PEBP4: variants seen among roughly 807,000 people sequenced by gnomAD.
PEBP4 encodes phosphatidylethanolamine binding protein 4, also known as phosphatidylethanolamine-binding protein 4.
Under a neutral mutation model 23.9 loss-of-function variants are expected in PEBP4, and 22 were observed. That is an observed-to-expected ratio of 0.92 (90% CI 0.66 to 1.31). PEBP4 has a LOEUF of 1.31. PEBP4 is among the 40% of genes most tolerant of loss of function. PEBP4 has a pLI of 0.00. For missense variants in PEBP4, 324 were observed against 281.7 expected, an observed-to-expected ratio of 1.15 and a Z score of -1.07; for synonymous variants, 112 against 99.3, an observed-to-expected ratio of 1.13 and a Z score of -0.76.
intron 3 of PEBP4, chr8:22,884,538 A>T (rs933422569): frequency 6.6e-6 from 1 of 152,224 alleles, no homozygotes; most frequent in African/African-American, 2.4e-5. Context: ...AGAGTTAATC[A>T]GGGAAGAGCT....
intron 6 of PEBP4, among the ~76,000 whole-genome samples, chr8:22,722,483 T>G (rs760904116): frequency 2.6e-5 from 4 of 152,200 alleles, no homozygotes; most frequent in Non-Finnish European, 4.4e-5. Flanking sequence ...GAGAGCACAG[T>G]GTTCTGGAGG....
intron 3 of PEBP4, among the ~76,000 whole-genome samples, chr8:22,896,876 T>G (rs1808599046): frequency 6.6e-6 from 1 of 151,164 alleles, no homozygotes; most frequent in African/African-American, 2.4e-5. Context: ...TCTCTCTTCA[T>G]CTCTAATATA....
intron 3 of PEBP4, among the ~76,000 whole-genome samples, chr8:22,880,154 G>T (rs1434448927): frequency 6.6e-6 from 1 of 152,156 alleles, no homozygotes; most frequent in Non-Finnish European, 1.5e-5. Context: ...GAAAGGAGTG[G>T]ATGATTGGGA....
intron 3 of PEBP4, among the ~76,000 whole-genome samples, chr8:22,877,542 GGA>G (rs934724997): frequency 2.0e-5 from 3 of 152,216 alleles, no homozygotes; most frequent in African/African-American, 7.2e-5. Flanking sequence ...CTAGCTGGGA[GGA>G]GAGGAGGTGA....
At chr8:22,812,756 T>C (rs946101073) in intron 4 of PEBP4, among the ~76,000 whole-genome samples, 1 of 152,214 alleles carries the variant, frequency 6.6e-6, no homozygotes, top group African/African-American at 2.4e-5. Context: ...AAAATGAGAT[T>C]ATATCATTAT....
At chr8:22,836,902 C>T (rs1807216302) in intron 3 of PEBP4, among the ~76,000 whole-genome samples, 4 of 152,010 alleles carry the variant, frequency 2.6e-5, no homozygotes, top group African/African-American at 4.8e-5. Context: ...AAAAAAAGAG[C>T]TCCTAAGCAA....
intron 6 of PEBP4, among the ~76,000 whole-genome samples, chr8:22,722,484 G>A (rs1369756848): frequency 6.6e-6 from 1 of 152,236 alleles, no homozygotes; most frequent in East Asian, 1.9e-4. Context: ...AGAGCACAGT[G>A]TTCTGGAGGG....
At chr8:22,925,752 A>G (rs1809313600) in intron 2 of PEBP4, among the ~76,000 whole-genome samples, 1 of 151,822 alleles carries the variant, frequency 6.6e-6, no homozygotes, top group South Asian at 2.1e-4. Context: ...GGTCCTCCTT[A>G]AGGGGCCCTT....
chr8:22,898,424 A>G (rs868198084), intron 3 of PEBP4, among the ~76,000 whole-genome samples: 2 of 110,982 alleles, frequency 1.8e-5, no homozygotes, highest in Non-Finnish European at 4.2e-5. Context: ...AAAAAAAAAA[A>G]AAAAAAACCC....
intron 3 of PEBP4, among the ~76,000 whole-genome samples, chr8:22,883,675 C>T (rs1298917592): frequency 6.6e-6 from 1 of 152,158 alleles, no homozygotes; most frequent in East Asian, 1.9e-4. Flanking sequence ...CGTGGACAGC[C>T]TCACATTTGG....
intron 4 of PEBP4, among the ~76,000 whole-genome samples, chr8:22,809,610 G>A (rs1264887843): frequency 6.6e-6 from 1 of 152,070 alleles, no homozygotes; most frequent in Non-Finnish European, 1.5e-5. Context: ...CCCACTCTGG[G>A]CCTCAATTTC....
At chr8:22,803,625 C>T (rs1341858095) in intron 4 of PEBP4, among the ~76,000 whole-genome samples, 1 of 152,056 alleles carries the variant, frequency 6.6e-6, no homozygotes, top group African/African-American at 2.4e-5. Flanking sequence ...GATGGCAACA[C>T]TGCACTCTAG....
intron 3 of PEBP4, among the ~76,000 whole-genome samples, chr8:22,860,139 G>GA (rs755088763): frequency 7.4e-5 from 4 of 54,090 alleles, no homozygotes; most frequent in Non-Finnish European, 9.9e-5. Flanking sequence ...AAAAGAAAAA[G>GA]AAAAAAAATT....
intron 3 of PEBP4, among the ~76,000 whole-genome samples, chr8:22,835,767 T>A (rs1186767395): frequency 6.6e-6 from 1 of 152,240 alleles, no homozygotes; most frequent in African/African-American, 2.4e-5. Flanking sequence ...AAACTCACAC[T>A]GTCTCCAAGA....
chr8:22,754,044 G>A (rs1805324719), intron 4 of PEBP4, among the ~76,000 whole-genome samples: 1 of 152,186 alleles, frequency 6.6e-6, no homozygotes, highest in Admixed American at 6.5e-5. Flanking sequence ...GATGGGGTAT[G>A]TTCAGATGGA....
chr8:22,728,031 C>T (rs1377500101), intron 4 of PEBP4, among the ~76,000 whole-genome samples: 1 of 152,168 alleles, frequency 6.6e-6, no homozygotes, highest in Non-Finnish European at 1.5e-5. Context: ...CCAGGGAGCC[C>T]CAAGGCCCCT....
At chr8:22,798,742 TTTTTTTTTTTTTG>T in intron 4 of PEBP4, 1 of 137,554 alleles carries the variant, frequency 7.3e-6, no homozygotes. Flanking sequence ...TTTTTTTTTT[TTTTTTTTTTTTTG>T]AGGTGGAGTC....
chr8:22,732,435 G>A (rs531097395), intron 4 of PEBP4, among the ~76,000 whole-genome samples: 2 of 152,266 alleles, frequency 1.3e-5, no homozygotes, highest in African/African-American at 2.4e-5. Context: ...GAGAACATCA[G>A]GATAAATAGC....
intron 4 of PEBP4, among the ~76,000 whole-genome samples, chr8:22,805,909 A>G (rs183836361): frequency 7.3e-5 from 11 of 151,472 alleles, no homozygotes; most frequent in Admixed American, 1.3e-4. Context: ...TGAATGAATG[A>G]GGGGTCTGAT....
Sources: gnomAD v4.1 joint callset for allele counts (sites outside exome capture counted in the v4.1 genomes callset) on GRCh38, gnomAD v4.1.1 for gene constraint, MANE v1.5 for transcripts, NCBI Gene and HGNC (gene_info 2026-07-23, HGNC 2026-07-21) for gene names.